The following PHRF1 variants were observed in gnomAD, a reference collection of about 807,000 sequenced individuals.
PHRF1 encodes the protein PHD and RING finger domain-containing protein 1.
In PHRF1, 53 loss-of-function variants were observed where a neutral mutation model predicts 128.9. The ratio of observed to expected loss-of-function variants is 0.41; its 90% CI spans 0.33 to 0.52. The LOEUF (loss-of-function observed/expected upper bound fraction) is 0.52, where lower values mean the gene tolerates loss of function less well. PHRF1 is among the 20% of genes least tolerant of loss of function. The probability of loss-of-function intolerance (pLI) is 0.21; values close to 1 mark genes in which losing one functional copy is unlikely to be tolerated. For missense variants in PHRF1, 2,503 were observed against 2,284.5 expected, an observed-to-expected ratio of 1.10 and a Z score of -1.95; for synonymous variants, 1,178 against 980.6, an observed-to-expected ratio of 1.20 and a Z score of -3.76.
chr11:598,868 G>A (rs997153972), intron 9 of PHRF1, among the ~76,000 whole-genome samples: 1 of 152,226 alleles, frequency 6.6e-6, no homozygotes, highest in African/African-American at 2.4e-5. Context: ...TGTGGGGGCC[G>A]AGTTGAGATC....
intron 13 of PHRF1, 50 bp from the exon 14 acceptor site, chr11:607,016 T>C (rs965109010): frequency 5.9e-6 from 9 of 1,521,650 alleles, no homozygotes; most frequent in Non-Finnish European, 7.0e-6. Flanking sequence ...CCACTGACAT[T>C]TAAGAAGAGT....
At position 608,269 on chromosome 11, in the gene PHRF1, C is replaced by T. The variant is rs760793863; in HGVS notation, c.2813C>T (p.Pro938Leu). ...LAARLRRPSPPEPWDEEDGAS... is the reference protein window; with the variant it reads ...LAARLRRPSPLEPWDEEDGAS... Reference sequence around the variant, plus strand: ...GCCCGGCTGCGGAGGCCATCCCCCCCAGAGCCCTGGGATGAGGAGGATGGG... The same window carrying T: ...GCCCGGCTGCGGAGGCCATCCCCCCTAGAGCCCTGGGATGAGGAGGATGGG... Residue 938 changes from proline to leucine, a missense_variant, in exon 14 of 18, where the codon CCA becomes CTA. Coordinates refer to ENST00000264555, the MANE Select transcript of PHRF1 (RefSeq NM_001286581.2). 6.2e-7 allele frequency: 1 copy of T among 1,610,100 alleles called. No homozygotes were observed. The highest frequency in any genetic ancestry group is 1.1e-5 in the South Asian group (1 of 90,996).
At position 607,957 on chromosome 11, in the gene PHRF1, A is replaced by G; in HGVS notation, c.2501A>G (p.Asp834Gly). The change falls in exon 14 of 18, where the codon GAC (aspartate) becomes GGC (glycine). Residue 834 changes from aspartate to glycine, a missense_variant. By Grantham distance (94) the Asp-to-Gly change is moderately conservative (BLOSUM62 -1). Coordinates refer to ENST00000264555, the MANE Select transcript of PHRF1 (RefSeq NM_001286581.2). ...QLRSEVYDPS[D>G]PTGSDSSAPG... ...CGGAGCGAGGTCTACGACCCATCCG[A>G]CCCCACCGGCTCCGACTCCAGCGCC... The G allele has an allele frequency of 6.2e-7, 1 of 1,611,242 alleles. No homozygotes were observed. Among genetic ancestry groups the G allele is most frequent in the Non-Finnish European group, 8.5e-7 (1 of 1,179,656 alleles).
chr11:611,996 T>C lies in PHRF1; in HGVS notation c.*219T>C, dbSNP rs775257883. On this transcript the variant is annotated 3_prime_UTR_variant, in exon 18 of 18. Transcript: ENST00000264555. ...GCTCACAGTTGAAAACTGGACACTT[T>C]TGTATGTATATTATAGAGACACTGT... 9.3e-5 allele frequency: 61 copies of C among 652,468 alleles called. No homozygotes were observed. Among genetic ancestry groups the C allele is most frequent in the Middle Eastern group, 4.2e-4 (1 of 2,368 alleles). 40.4% of individuals were successfully genotyped at this position (652,468 alleles called of 1,614,324 possible). A position where few individuals can be genotyped will look rare whatever the true frequency, so the allele number is the denominator to read the frequency against.
At chr11:605,967 C>T (rs747834314) in intron 12 of PHRF1, among the ~76,000 whole-genome samples, 11 of 152,052 alleles carry the variant, frequency 7.2e-5, no homozygotes, top group Non-Finnish European at 1.3e-4. Flanking sequence ...ACGAGGTGGC[C>T]CCTCTGCCCC....
rs113064640 is a variant in PHRF1, at chr11:611,814, G to A, written c.*37G>A. 73 of 1,554,870 alleles carry A rather than the reference G, an allele frequency of 4.7e-5. 1 individual carries two copies. The Middle Eastern group carries it at 1.1e-3, about 23-fold the overall frequency. On this transcript the variant is annotated 3_prime_UTR_variant, in exon 18 of 18. Transcript: ENST00000264555. The stretch of plus-strand genomic sequence containing the variant: ...CACGGGCTATGCCCGGGGAGCTGTC[G>A]GGAGTGGCGGGAATCGGGGCCATGC...
chr11:609,142 C>T lies in PHRF1; in HGVS notation c.3686C>T (p.Ser1229Leu), dbSNP rs376348110. Residue 1229 changes from serine (S) to leucine (L), a missense_variant, in exon 14 of 18, where the codon TCG becomes TTG. Physicochemically the swap from Ser to Leu is moderately radical, Grantham distance 145. Coordinates refer to ENST00000264555, the MANE Select transcript of PHRF1 (RefSeq NM_001286581.2). The stretch of plus-strand genomic sequence containing the variant: ...CCAGCCTTGGGGGAAGCACATGTCT[C>T]GCCGGAGGTGGCTACGGCCGACAAG... The part of the protein sequence containing the change: ...RLPALGEAHV[S>L]PEVATADKAP... 8.5e-5 allele frequency: 136 copies of T among 1,606,312 alleles called. 1 individual carries two copies. The highest frequency in any genetic ancestry group is 4.7e-4 in the East Asian group (21 of 44,846).
At chr11:584,699 T>C (rs1345273258) in intron 3 of PHRF1, among the ~76,000 whole-genome samples, 1 of 150,362 alleles carries the variant, frequency 6.7e-6, no homozygotes, top group Admixed American at 6.6e-5. Flanking sequence ...GTATAGCCAC[T>C]GTGAACACTT....
intron 1 of PHRF1, among the ~76,000 whole-genome samples, chr11:579,506 A>G (rs1854089380): frequency 6.6e-6 from 1 of 152,180 alleles, no homozygotes; most frequent in African/African-American, 2.4e-5. Flanking sequence ...AGCTGTGGTC[A>G]CTGCTAGGTC....
intron 3 of PHRF1, among the ~76,000 whole-genome samples, chr11:585,217 C>G (rs1184440693): frequency 6.6e-6 from 1 of 151,880 alleles, no homozygotes; most frequent in Non-Finnish European, 1.5e-5. Context: ...CTGCCCTTTC[C>G]AGCTTGAGGT....
At position 608,619 on chromosome 11, in the gene PHRF1, T is replaced by A. The variant is rs1382832442; in HGVS notation, c.3163T>A (p.Ser1055Thr). 1.2e-6 allele frequency: 2 copies of A among 1,612,080 alleles called. No individual in the cohort carries two copies. The highest frequency in any genetic ancestry group is 3.3e-5 in the Admixed American group (2 of 59,978). Residue 1055 changes from serine to threonine, a missense_variant, in exon 14 of 18, where the codon TCC (serine) becomes ACC (threonine). Physicochemically the swap from Ser to Thr is moderately conservative, Grantham distance 58. Coordinates refer to ENST00000264555, the MANE Select transcript of PHRF1 (RefSeq NM_001286581.2). The stretch of plus-strand genomic sequence containing the variant: ...GTCCAAGGCCAAGAGCCGGCGGTCC[T>A]CCAGTGACCGCTCCAGCAGCCGAGA... ...QRSKAKSRRSSSDRSSSRERA... is the reference protein window; with the variant it reads ...QRSKAKSRRSTSDRSSSRERA...
intron 14 of PHRF1, 64 bp downstream of exon 14, chr11:609,784 C>T (rs546230719): frequency 4.2e-4 from 469 of 1,119,202 alleles, no homozygotes; most frequent in Non-Finnish European, 5.3e-4. Context: ...TGGCCCCCGC[C>T]GAGGACAGAG....
In PHRF1 at chr11:598,350, C is replaced by T. The variant is rs753767347; in HGVS notation, c.895-23C>T. 36 of 1,601,302 alleles carry T rather than the reference C, an allele frequency of 2.2e-5. No individual in the cohort carries two copies. The Admixed American group carries it at 2.5e-4, about 11-fold the overall frequency. ...CGGCTGAGGCCCCAAGGGCATCTGA[C>T]GGCACCACCCCTTTGCCTGTAGCAC... is the stretch of plus-strand genomic sequence containing the variant. On this transcript the variant is annotated intron_variant, in intron 8 of 17. Transcript: ENST00000264555.
intron 9 of PHRF1, among the ~76,000 whole-genome samples, 170 bp downstream of exon 9, chr11:598,672 G>A (rs996399331): frequency 6.6e-6 from 1 of 152,246 alleles, no homozygotes; most frequent in Non-Finnish European, 1.5e-5. Flanking sequence ...GGAGGTGTGG[G>A]TCTGATGTGC....
At chr11:610,093 G>A in intron 14 of PHRF1, 103 bp from the exon 15 acceptor site, 1 of 1,395,650 alleles carries the variant, frequency 7.2e-7, no homozygotes, top group Non-Finnish European at 9.5e-7. Flanking sequence ...GCTGCTCTGT[G>A]GTCCTTGCTC....
chr11:609,550 C>T lies in PHRF1; in HGVS notation c.4094C>T (p.Pro1365Leu). Residue 1365 changes from proline to leucine, a missense_variant, in exon 14 of 18, where the codon CCT becomes CTT. Physicochemically the swap from Pro to Leu is moderately conservative, Grantham distance 98 (BLOSUM62 -3). Transcript: ENST00000264555. ...AEAPSSPDVA[P>L]AGKEDSPSAS... Reference sequence around the variant, plus strand: ...GCACCCAGTTCCCCGGATGTGGCGCCTGCGGGGAAGGAAGACAGCCCCTCT... The same window carrying T: ...GCACCCAGTTCCCCGGATGTGGCGCTTGCGGGGAAGGAAGACAGCCCCTCT... 6.3e-7 allele frequency: 1 copy of T among 1,599,746 alleles called. No homozygotes were observed. The highest frequency in any genetic ancestry group is 8.5e-7 in the Non-Finnish European group (1 of 1,175,270).
In PHRF1 at chr11:610,950, C is replaced by T; in HGVS notation, c.4678-4C>T. 2 of 1,612,956 alleles carry T rather than the reference C, an allele frequency of 1.2e-6. No homozygotes were observed. Among genetic ancestry groups the T allele is most frequent in the South Asian group, 1.1e-5 (1 of 91,072 alleles). ...TGGCCGCATCACACACATGTCCCCT[C>T]TAGTACATGAAGAAGCTGCACATGC... On this transcript the variant is annotated splice_region_variant and splice_polypyrimidine_tract_variant and intron_variant, in intron 16 of 17. Coordinates refer to ENST00000264555, the MANE Select transcript of PHRF1 (RefSeq NM_001286581.2).
Position 610,215 on chromosome 11 carries a change from A to T in PHRF1, c.4284A>T (p.Pro1428=). The part of the protein sequence containing the change: ...DRAPRAPLHR[P]QKPREGAWDM... Reference sequence around the variant, plus strand: ...CCCCAGGGGCACCACTTCACAGGCCACAGAAGCCCCGAGAAGGAGCCTGGG... The same window carrying T: ...CCCCAGGGGCACCACTTCACAGGCCTCAGAAGCCCCGAGAAGGAGCCTGGG... The change falls in exon 15 of 18, where the codon CCA becomes CCT. Residue 1428 remains proline, a synonymous_variant. Transcript: ENST00000264555. The T allele has an allele frequency of 6.5e-7, 1 of 1,539,134 alleles. No homozygotes were observed. The highest frequency in any genetic ancestry group is 8.8e-7 in the Non-Finnish European group (1 of 1,139,734).
intron 3 of PHRF1, among the ~76,000 whole-genome samples, chr11:584,594 G>T (rs111831870): frequency 0.039 from 5,961 of 152,180 alleles, 403 homozygotes; most frequent in African/African-American, 0.14. Flanking sequence ...GGCCAGGACG[G>T]GGGAGCTGTG....
Sources: allele counts gnomAD v4.1 joint callset (sites outside exome capture counted in the v4.1 genomes callset), GRCh38; gene constraint gnomAD v4.1.1; transcripts MANE v1.5; gene names NCBI Gene and HGNC (gene_info 2026-07-23, HGNC 2026-07-21).